GPC6: variants seen among roughly 807,000 people sequenced by gnomAD.
GPC6 encodes the protein glypican 6.
Under a neutral mutation model 55.2 loss-of-function variants are expected in GPC6, and 14 were observed. The observed-to-expected ratio is 0.25, with a 90% CI of 0.17 to 0.40. The LOEUF is 0.40. Ranked by LOEUF, GPC6 falls within the 10% of genes least tolerant of loss-of-function variation. The pLI is 1.00. For synonymous variants in GPC6, 278 were observed against 259.6 expected, an observed-to-expected ratio of 1.07 and a Z score of -0.68; for missense variants, 641 against 708.5, an observed-to-expected ratio of 0.90 and a Z score of 1.08.
intron 2 of GPC6, among the ~76,000 whole-genome samples, chr13:93,573,499 A>G (rs1400467088): frequency 6.6e-6 from 1 of 152,082 alleles, no homozygotes; most frequent in Non-Finnish European, 1.5e-5. Flanking sequence ...TTTAAATTTT[A>G]TTTTAATGGA....
intron 4 of GPC6, among the ~76,000 whole-genome samples, chr13:94,218,858 G>A (rs972825338): frequency 6.6e-6 from 1 of 152,022 alleles, no homozygotes; most frequent in Non-Finnish European, 1.5e-5. Flanking sequence ...GTTGGTCTGG[G>A]GTAGAATTCT....
rs1218417397 is a variant in GPC6, at chr13:93,227,285, G to T, written c.-172G>T. On this transcript the variant is annotated 5_prime_UTR_variant, in exon 1 of 9. Coordinates refer to ENST00000377047, the MANE Select transcript of GPC6 (RefSeq NM_005708.5). The surrounding 1 kb of genome is among the most constrained non-coding windows in gnomAD (Gnocchi z 4.3). ...TCGTCCATCTGGCTTATAAAAGTTTGCTGAGCGCAGTCCAGAGGGCTGCGC... is the reference window on the plus strand; with the variant it reads ...TCGTCCATCTGGCTTATAAAAGTTTTCTGAGCGCAGTCCAGAGGGCTGCGC... The T allele has an allele frequency of 7.0e-6, 4 of 575,408 alleles. No individual in the cohort carries two copies. Among genetic ancestry groups the T allele is most frequent in the Middle Eastern group, 4.6e-4 (1 of 2,180 alleles). The allele number at this position is 575,408 out of a possible 1,614,324, so 35.6% of individuals were successfully genotyped here.
intron 4 of GPC6, among the ~76,000 whole-genome samples, chr13:94,119,081 G>T (rs534652415): frequency 2.0e-5 from 3 of 152,020 alleles, no homozygotes; most frequent in South Asian, 4.1e-4. Flanking sequence ...CAATATATGT[G>T]TGTGCATATA....
chr13:93,816,693 A>C (rs548783779), intron 2 of GPC6, among the ~76,000 whole-genome samples: 1 of 151,910 alleles, frequency 6.6e-6, no homozygotes, highest in Non-Finnish European at 1.5e-5. Context: ...GTTTCCTCAA[A>C]TGTTAATTTT....
chr13:93,827,855 G>C (rs1244191630), intron 2 of GPC6, among the ~76,000 whole-genome samples: 1 of 151,890 alleles, frequency 6.6e-6, no homozygotes, highest in Non-Finnish European at 1.5e-5. Flanking sequence ...AGTGGGCATA[G>C]CTCAATATTC....
intron 6 of GPC6, among the ~76,000 whole-genome samples, chr13:94,349,878 T>G (rs543606207): frequency 6.6e-6 from 1 of 152,270 alleles, no homozygotes; most frequent in South Asian, 2.1e-4. Flanking sequence ...CACTAGGTGT[T>G]AAGACTATGT....
chr13:94,153,040 A>G lies in GPC6; in HGVS notation c.877+125146A>G, dbSNP rs530932524. Among the ~76,000 whole-genome samples, 6 of 152,306 alleles carry G rather than the reference A, an allele frequency of 3.9e-5. No individual in the cohort carries two copies. In the East Asian group the frequency reaches 7.7e-4, roughly 20 times the overall value. On this transcript the variant is annotated intron_variant, in intron 4 of 8. Transcript: ENST00000377047. ...ATTACAAAGGATTCTATGGGACCCT[A>G]TGTAATTTCAAGTAAGTTATGTGTC...
chr13:94,165,253 T>C (rs1035327967), intron 4 of GPC6, among the ~76,000 whole-genome samples: 29 of 147,178 alleles, frequency 2.0e-4, no homozygotes, highest in Middle Eastern at 3.6e-3. Context: ...TGTATACATA[T>C]ATGTATACAT....
At chr13:93,797,521 A>T (rs1466596214) in intron 2 of GPC6, among the ~76,000 whole-genome samples, 1 of 152,180 alleles carries the variant, frequency 6.6e-6, no homozygotes, top group Non-Finnish European at 1.5e-5. Context: ...CACTAAATAA[A>T]TCCTCTATGA....
At chr13:93,695,367 A>T (rs1882415591) in intron 2 of GPC6, among the ~76,000 whole-genome samples, 1 of 152,032 alleles carries the variant, frequency 6.6e-6, no homozygotes, top group African/African-American at 2.4e-5. Context: ...AATAAAAAGC[A>T]CTTCTATTCA....
chr13:93,261,898 T>G (rs9516199), intron 1 of GPC6, among the ~76,000 whole-genome samples: 28,814 of 151,242 alleles, frequency 0.19, 2,836 homozygotes, highest in South Asian at 0.27. Flanking sequence ...TCTGGCATTA[T>G]TCACATTTAT....
At chr13:93,418,476 TAGC>T (rs1424655911) in intron 1 of GPC6, among the ~76,000 whole-genome samples, 2 of 151,490 alleles carry the variant, frequency 1.3e-5, no homozygotes, top group Non-Finnish European at 3.0e-5. Flanking sequence ...ACTTTATTAA[TAGC>T]AGTATGCTGT....
chr13:93,300,988 C>T (rs919500985), intron 1 of GPC6, among the ~76,000 whole-genome samples: 6 of 151,752 alleles, frequency 4.0e-5, no homozygotes, highest in African/African-American at 9.7e-5. Flanking sequence ...CATTGCACTC[C>T]GGCCTTGGCA....
At chr13:93,475,960 G>A (rs556810473) in intron 1 of GPC6, among the ~76,000 whole-genome samples, 2 of 151,788 alleles carry the variant, frequency 1.3e-5, no homozygotes, top group South Asian at 2.1e-4. Flanking sequence ...GAATGACTGG[G>A]ATTTTTTTTT....
At chr13:94,029,263 G>A (rs1376281973) in intron 4 of GPC6, among the ~76,000 whole-genome samples, 1 of 152,106 alleles carries the variant, frequency 6.6e-6, no homozygotes, top group Non-Finnish European at 1.5e-5. Context: ...ATAAATTGAA[G>A]TGCCGTTACC....
At chr13:93,751,851 C>G (rs912618482) in intron 2 of GPC6, among the ~76,000 whole-genome samples, 7 of 152,130 alleles carry the variant, frequency 4.6e-5, no homozygotes, top group African/African-American at 1.2e-4. Flanking sequence ...CTTCCTCCCC[C>G]ATTGGCCTAC....
At chr13:93,311,838 G>C (rs1015263693) in intron 1 of GPC6, among the ~76,000 whole-genome samples, 11 of 152,128 alleles carry the variant, frequency 7.2e-5, no homozygotes, top group African/African-American at 2.7e-4. Context: ...ATTAAAGTAC[G>C]TGTTCTTCCA....
At chr13:93,387,955 T>C (rs993164332) in intron 1 of GPC6, among the ~76,000 whole-genome samples, 2 of 152,172 alleles carry the variant, frequency 1.3e-5, no homozygotes, top group African/African-American at 4.8e-5. Flanking sequence ...TCCCAATATA[T>C]ATATATATCA....
intron 4 of GPC6, among the ~76,000 whole-genome samples, chr13:94,177,085 G>A (rs1340155145): frequency 6.6e-6 from 1 of 152,124 alleles, no homozygotes; most frequent in Non-Finnish European, 1.5e-5. Flanking sequence ...CAGAAGATTT[G>A]CCTTGAGGAA....
Sources: allele counts gnomAD v4.1 joint callset (sites outside exome capture counted in the v4.1 genomes callset), GRCh38; gene constraint gnomAD v4.1.1; non-coding constraint Gnocchi (gnomAD v3.1); transcripts MANE v1.5; gene names NCBI Gene and HGNC (gene_info 2026-07-23, HGNC 2026-07-21).